The following CALD1 variants were observed in gnomAD, a reference collection of about 807,000 sequenced individuals.
The protein encoded by CALD1 is caldesmon.
In CALD1, 33 loss-of-function variants were observed where a neutral mutation model predicts 99.9. The ratio of observed to expected loss-of-function variants is 0.33; its 90% CI spans 0.25 to 0.44. The LOEUF (loss-of-function observed/expected upper bound fraction) is 0.44, where lower values mean the gene tolerates loss of function less well. Ranked by LOEUF, CALD1 falls within the 20% of genes least tolerant of loss-of-function variation. The probability of loss-of-function intolerance (pLI) is 1.00; values close to 1 mark genes in which losing one functional copy is unlikely to be tolerated. For missense variants in CALD1, 861 were observed against 962.1 expected, an observed-to-expected ratio of 0.89 and a Z score of 1.39; for synonymous variants, 310 against 325.0, an observed-to-expected ratio of 0.95 and a Z score of 0.50.
At chr7:134,936,132 G>T (rs1233782027) in intron 6 of CALD1, among the ~76,000 whole-genome samples, 2 of 151,920 alleles carry the variant, frequency 1.3e-5, no homozygotes, top group African/African-American at 4.8e-5. Context: ...TTTTCCTTGA[G>T]CCATTCTACT....
At chr7:134,785,563 C>T (rs1797272668) in intron 1 of CALD1, among the ~76,000 whole-genome samples, 1 of 152,138 alleles carries the variant, frequency 6.6e-6, no homozygotes, top group Admixed American at 6.5e-5. Context: ...ATTTTTAATC[C>T]ATTGAGCACC....
At chr7:134,743,964 A>T (rs1796611907), upstream of CALD1, among the ~76,000 whole-genome samples, 3 of 152,200 alleles carry the variant, frequency 2.0e-5, no homozygotes. Context: ...TGATACAATC[A>T]ATGAAAAATA....
At chr7:134,838,780 T>C (rs1446994378) in intron 1 of CALD1, among the ~76,000 whole-genome samples, 1 of 152,246 alleles carries the variant, frequency 6.6e-6, no homozygotes, top group Non-Finnish European at 1.5e-5. Context: ...CTTTTTATTA[T>C]TTTATTTTCC....
intron 1 of CALD1, among the ~76,000 whole-genome samples, chr7:134,797,679 G>A (rs1056722103): frequency 7.9e-5 from 12 of 152,244 alleles, no homozygotes; most frequent in Admixed American, 3.3e-4. Context: ...TGCAACCTCC[G>A]CCTCCTGGGT....
rs903120009 is a variant in CALD1 at position 134,916,681 on chromosome 7, G to A, written c.72-12073G>A. 5.3e-5 allele frequency among the ~76,000 whole-genome samples: 8 copies of A among 152,096 alleles called. No homozygotes were observed. The South Asian group carries it at 8.3e-4, about 16-fold the overall frequency. On this transcript the variant is annotated intron_variant, in intron 3 of 14. Coordinates refer to ENST00000361675, the MANE Select transcript of CALD1 (RefSeq NM_033138.4). ...TTGCAGGGATCCCCTTTAATTACTCGCAGGCTTATAATCTCCATTTAAGGA... is the reference window on the plus strand; with the variant it reads ...TTGCAGGGATCCCCTTTAATTACTCACAGGCTTATAATCTCCATTTAAGGA...
At chr7:134,828,321 A>C (rs1438056859) in intron 1 of CALD1, among the ~76,000 whole-genome samples, 1 of 152,226 alleles carries the variant, frequency 6.6e-6, no homozygotes, top group Non-Finnish European at 1.5e-5. Context: ...CTGGAAAGAA[A>C]AATAAAAATT....
At chr7:134,748,135 G>A (rs932844166) in intron 1 of CALD1, among the ~76,000 whole-genome samples, 1 of 152,288 alleles carries the variant, frequency 6.6e-6, no homozygotes, top group Non-Finnish European at 1.5e-5. Context: ...TGAGCATTAA[G>A]ATTTTGGACT....
chr7:134,944,355 T>C (rs1806688398), intron 7 of CALD1: 1 of 151,616 alleles, frequency 6.6e-6, no homozygotes, highest in South Asian at 2.1e-4. Flanking sequence ...TGTCAAGAAA[T>C]GGTACTTTGT....
At chr7:134,807,443 T>C (rs1182364592) in intron 1 of CALD1, among the ~76,000 whole-genome samples, 1 of 152,182 alleles carries the variant, frequency 6.6e-6, no homozygotes. Flanking sequence ...GACCAGTTTC[T>C]AAACTCAAGA....
Position 134,766,141 on chromosome 7 carries a change from C to CTTTTTTTTT in CALD1, c.-130+21798_-130+21806dup, listed in dbSNP as rs71172475. Among the ~76,000 whole-genome samples, 34 of 70,800 alleles carry CTTTTTTTTT rather than the reference C, an allele frequency of 4.8e-4. 2 individuals carry two copies. Among genetic ancestry groups the CTTTTTTTTT allele is most frequent in the African/African-American group, 9.2e-4 (16 of 17,346 alleles). 46.4% of individuals were successfully genotyped at this position (70,800 alleles called of 152,430 possible). A position where few individuals can be genotyped will look rare whatever the true frequency, so the allele number is the denominator to read the frequency against. ...GAGCCCCTTAAACCTCTTTTCTTTT[C>CTTTTTTTTT]TTTTTTTTTTTTTTTTTTTTTTTTT... On this transcript the variant is annotated intron_variant, in intron 1 of 13. Transcript: ENST00000417172.
At chr7:134,922,624 G>A (rs1020337983) in intron 3 of CALD1, among the ~76,000 whole-genome samples, 11 of 152,218 alleles carry the variant, frequency 7.2e-5, no homozygotes, top group African/African-American at 2.7e-4. Context: ...TGGGGCAAGA[G>A]GAAAACTCGT....
chr7:134,910,374 T>A (rs1803712609), intron 3 of CALD1, among the ~76,000 whole-genome samples: 1 of 152,240 alleles, frequency 6.6e-6, no homozygotes, highest in South Asian at 2.1e-4. Context: ...TGAAAATATT[T>A]CCAAAGGACT....
chr7:134,750,111 A>AAAACAAACAAACAAAC (rs59185876), intron 1 of CALD1, among the ~76,000 whole-genome samples: 9 of 150,742 alleles, frequency 6.0e-5, no homozygotes, highest in African/African-American at 2.2e-4. Flanking sequence ...GGCAAGTGTT[A>AAAACAAACAAACAAAC]AAACAAACAA....
At chr7:134,847,641 T>G (rs1224751101) in intron 2 of CALD1, among the ~76,000 whole-genome samples, 1 of 152,210 alleles carries the variant, frequency 6.6e-6, no homozygotes, top group Non-Finnish European at 1.5e-5. Context: ...CACCACCACG[T>G]GCAGCTTTAG....
At chr7:134,939,731 G>C (rs1222360848) in intron 6 of CALD1, among the ~76,000 whole-genome samples, 3 of 152,170 alleles carry the variant, frequency 2.0e-5, no homozygotes, top group Non-Finnish European at 4.4e-5. Context: ...GGGAGGCCGA[G>C]GTGGGCAGAT....
chr7:134,930,001 G>A (rs1334315699), intron 4 of CALD1, among the ~76,000 whole-genome samples: 2 of 151,966 alleles, frequency 1.3e-5, no homozygotes, highest in East Asian at 3.9e-4. Context: ...CCATTAATAG[G>A]TAACACGTGA....
intron 3 of CALD1, chr7:134,920,779 T>C (rs1347391459): frequency 1.2e-6 from 1 of 829,450 alleles, no homozygotes; most frequent in African/African-American, 1.8e-5. Flanking sequence ...TGTCAGATAG[T>C]GAGTTTATTT....
intron 3 of CALD1, among the ~76,000 whole-genome samples, chr7:134,901,362 A>G (rs754489804): frequency 1.2e-4 from 19 of 152,074 alleles, no homozygotes; most frequent in Non-Finnish European, 2.4e-4. Flanking sequence ...TGATCTACAA[A>G]AAGAGGAATA....
chr7:134,831,070 T>C (rs1799198164), intron 1 of CALD1, among the ~76,000 whole-genome samples: 1 of 152,188 alleles, frequency 6.6e-6, no homozygotes, highest in Admixed American at 6.5e-5. Flanking sequence ...AGCCCAAACC[T>C]GAAATACTCT....
Sources: allele counts gnomAD v4.1 joint callset (sites outside exome capture counted in the v4.1 genomes callset), GRCh38; gene constraint gnomAD v4.1.1; transcripts MANE v1.5; gene names NCBI Gene and HGNC (gene_info 2026-07-23, HGNC 2026-07-21).